Variants in FAM20C observed in about 807,000 individuals in gnomAD.
FAM20C encodes the protein FAM20C golgi associated secretory pathway kinase.
In FAM20C, 40 loss-of-function variants were observed where a neutral mutation model predicts 51.5. That is an observed-to-expected ratio of 0.78 (90% CI 0.60 to 1.01). The LOEUF (loss-of-function observed/expected upper bound fraction) is 1.01. Among genes scored for constraint, FAM20C ranks in the 50% least tolerant of loss-of-function variants. FAM20C has a pLI of 0.00. For synonymous variants in FAM20C, 406 were observed against 380.6 expected (o/e 1.07, Z -0.78); for missense variants, 861 against 844.7 (o/e 1.02, Z -0.24).
At chr7:228,129 G>GT (rs1787515096) in intron 3 of FAM20C, 2 of 288,028 alleles carry the variant, frequency 6.9e-6, no homozygotes, top group South Asian at 7.2e-5. Context: ...TCAGTCAGGC[G>GT]CACAGGCCTG....
At chr7:200,439 T>G (rs1008661379) in intron 2 of FAM20C, among the ~76,000 whole-genome samples, 3 of 152,188 alleles carry the variant, frequency 2.0e-5, no homozygotes, top group African/African-American at 7.2e-5. Flanking sequence ...CAGTCCGCAC[T>G]CAACTCCCTT....
At chr7:258,738 A>C (rs1583348344) in intron 9 of FAM20C, 33 bp downstream of exon 9, 1 of 1,523,124 alleles carries the variant, frequency 6.6e-7, no homozygotes, top group South Asian at 1.2e-5. Flanking sequence ...CTCCAGCTCC[A>C]CCCTCCTCCC....
Position 260,130 on chromosome 7 carries a change from A to G in FAM20C, c.*150A>G, listed in dbSNP as rs975298321. 1 of 1,051,792 alleles carries G rather than the reference A, an allele frequency of 9.5e-7. No homozygotes were observed. Among genetic ancestry groups the G allele is most frequent in the Non-Finnish European group, 1.3e-6 (1 of 768,568 alleles). 65.2% of individuals were successfully genotyped at this position (1,051,792 alleles called of 1,614,324 possible). A position where few individuals can be genotyped will look rare whatever the true frequency, so the allele number is the denominator to read the frequency against. ...GCTGCCACAGGAGGCGAGGCTCCCC[A>G]GGTCTCATAGGACACATTTTGTCAG... On this transcript the variant is annotated 3_prime_UTR_variant, in exon 10 of 10. Coordinates refer to ENST00000313766, the MANE Select transcript of FAM20C (RefSeq NM_020223.4).
rs576200094 is a variant in FAM20C at position 245,599 on chromosome 7, C to T, written c.864-816C>T. Among the ~76,000 whole-genome samples the T allele has an allele frequency of 9.9e-5, 15 of 152,226 alleles. No individual in the cohort carries two copies. In the South Asian group the frequency reaches 1.0e-3, roughly 11 times the overall value. On this transcript the variant is annotated intron_variant, in intron 3 of 9. Transcript: ENST00000313766. ...CCTTGGTGGAGGAAGCATGCTTACA[C>T]GCTTACACGCTTACGCGCTTACACA...
At chr7:253,409 C>G (rs2115165588) in intron 5 of FAM20C, among the ~76,000 whole-genome samples, 1 of 152,360 alleles carries the variant, frequency 6.6e-6, no homozygotes, top group African/African-American at 2.4e-5. Context: ...CTCCGGGAGG[C>G]CAACCGTGAT....
intron 3 of FAM20C, among the ~76,000 whole-genome samples, chr7:245,697 G>A (rs1788124550): frequency 6.6e-6 from 1 of 152,230 alleles, no homozygotes; most frequent in African/African-American, 2.4e-5. Flanking sequence ...CACTTGCGTG[G>A]ACCGGCACCT....
At chr7:251,039 C>T (rs1788376129) in intron 5 of FAM20C, among the ~76,000 whole-genome samples, 1 of 152,254 alleles carries the variant, frequency 6.6e-6, no homozygotes, top group African/African-American at 2.4e-5. Context: ...ATGCTGAGAA[C>T]ATGCCCTGCC....
intron 3 of FAM20C, among the ~76,000 whole-genome samples, chr7:234,541 G>A (rs1787794835): frequency 6.6e-6 from 1 of 152,186 alleles, no homozygotes; most frequent in African/African-American, 2.4e-5. Flanking sequence ...TGTCTCTCGT[G>A]TCTGACACAG....
rs1785685734 is a variant in FAM20C at position 193,507 on chromosome 7, C to T, written c.308C>T (p.Ser103Leu). 3 of 1,503,422 alleles carry T rather than the reference C, an allele frequency of 2.0e-6. No individual in the cohort carries two copies. Among genetic ancestry groups the T allele is most frequent in the Non-Finnish European group, 2.7e-6 (3 of 1,123,142 alleles). 93.1% of individuals were successfully genotyped at this position (1,503,422 alleles called of 1,614,324 possible). The change falls in exon 1 of 10, where the codon TCG becomes TTG. Residue 103 changes from serine to leucine, a missense_variant. Physicochemically the swap from Ser to Leu is moderately radical, Grantham distance 145 (BLOSUM62 -2). Coordinates refer to ENST00000313766, the MANE Select transcript of FAM20C (RefSeq NM_020223.4). ...DFSSDPSSNL[S>L]SHSLEKLPPA... Reference sequence around the variant, plus strand: ...AGCTCCGACCCCTCCTCCAACCTCTCGTCCCACTCGCTGGAGAAACTGCCG... The same window carrying T: ...AGCTCCGACCCCTCCTCCAACCTCTTGTCCCACTCGCTGGAGAAACTGCCG...
At chr7:232,799 A>G (rs1787739790) in intron 3 of FAM20C, among the ~76,000 whole-genome samples, 1 of 152,204 alleles carries the variant, frequency 6.6e-6, no homozygotes, top group Non-Finnish European at 1.5e-5. Context: ...GCGTTGCAGG[A>G]CGGGGCACCC....
At chr7:217,993 C>G (rs369270853) in intron 3 of FAM20C, among the ~76,000 whole-genome samples, 2 of 152,136 alleles carry the variant, frequency 1.3e-5, no homozygotes, top group Admixed American at 6.5e-5. Context: ...GAGGGCTGCC[C>G]GTCCCCGTCG....
At chr7:233,588 G>A (rs890977869) in intron 3 of FAM20C, among the ~76,000 whole-genome samples, 6 of 152,144 alleles carry the variant, frequency 3.9e-5, no homozygotes, top group Admixed American at 6.5e-5. Flanking sequence ...TCCTGGAGGC[G>A]CCTGCGTTGG....
chr7:250,790 C>G (rs1788368058), intron 5 of FAM20C, among the ~76,000 whole-genome samples: 1 of 152,250 alleles, frequency 6.6e-6, no homozygotes, highest in Admixed American at 6.5e-5. Flanking sequence ...GCCTGGATGC[C>G]CGACTGCTTC....
At chr7:227,429 A>T (rs1357254526) in intron 3 of FAM20C, 1 of 151,956 alleles carries the variant, frequency 6.6e-6, no homozygotes, top group Non-Finnish European at 1.5e-5. Flanking sequence ...GGGCTCAAAC[A>T]CTAGCCCCTA....
chr7:211,815 G>A (rs990465915), intron 3 of FAM20C, among the ~76,000 whole-genome samples: 1 of 152,258 alleles, frequency 6.6e-6, no homozygotes, highest in Non-Finnish European at 1.5e-5. Context: ...CCAGAGGCTG[G>A]TCCGGGACTC....
chr7:255,447 A>G (rs1480838791), intron 5 of FAM20C, among the ~76,000 whole-genome samples: 1 of 152,136 alleles, frequency 6.6e-6, no homozygotes, highest in Admixed American at 6.5e-5. Flanking sequence ...TTGAGTGATG[A>G]GAGTTCTTCA....
At chr7:201,824 G>A (rs1024666356) in intron 2 of FAM20C, among the ~76,000 whole-genome samples, 11 of 152,196 alleles carry the variant, frequency 7.2e-5, no homozygotes, top group African/African-American at 7.2e-5. Flanking sequence ...ACCCAGTGGC[G>A]TCCGAGGGTC....
At position 193,498 on chromosome 7, in the gene FAM20C, C is replaced by G; in HGVS notation, c.299C>G (p.Ser100Cys). The change falls in exon 1 of 10, where the codon TCC (serine) becomes TGC (cysteine). Residue 100 changes from serine (S) to cysteine (C), a missense_variant. Ser to Cys is a moderately radical substitution (Grantham distance 112, BLOSUM62 -1). This residue lies in a region of FAM20C where 561 missense variants were observed against 499.8 expected (regional missense o/e 1.12). Transcript: ENST00000313766. ...CAGGACTTCAGCTCCGACCCCTCCTCCAACCTCTCGTCCCACTCGCTGGAG... is the reference window on the plus strand; with the variant it reads ...CAGGACTTCAGCTCCGACCCCTCCTGCAACCTCTCGTCCCACTCGCTGGAG... Reference protein sequence around the residue: ...ILQDFSSDPSSNLSSHSLEKL... With the variant: ...ILQDFSSDPSCNLSSHSLEKL... 1 of 1,504,406 alleles carries G rather than the reference C, an allele frequency of 6.6e-7. No individual in the cohort carries two copies. The highest frequency in any genetic ancestry group is 1.2e-5 in the South Asian group (1 of 80,166). 93.2% of individuals were successfully genotyped at this position (1,504,406 alleles called of 1,614,324 possible).
At chr7:251,192 ACGGCGGCTCACGGCTGCACTGAGTGGCCG>A (rs1317269808) in intron 5 of FAM20C, among the ~76,000 whole-genome samples, 12 of 149,924 alleles carry the variant, frequency 8.0e-5, no homozygotes, top group African/African-American at 2.7e-4. Flanking sequence ...GTGGCCGGGC[ACGGCGGCTCACGGCTGCACTGAGTGGCCG>A]GGCACGGCGG....
Sources: allele counts gnomAD v4.1 joint callset (sites outside exome capture counted in the v4.1 genomes callset), GRCh38; gene constraint gnomAD v4.1.1; regional missense constraint gnomAD v4.1.1; transcripts MANE v1.5; gene names NCBI Gene and HGNC (gene_info 2026-07-23, HGNC 2026-07-21).